Variants in RNU6-8 observed in about 807,000 individuals in gnomAD.
RNU6-8 encodes the protein RNA, U6 small nuclear 8.
At chr14:32,203,229 T>G (rs1365986313) in exon 1 of RNU6-8, 1 of 152,374 alleles carries the variant, frequency 6.6e-6, no homozygotes, top group Non-Finnish European at 1.5e-5. Context: ...ATCTTCTCTG[T>G]ATCGTTCCAA....
At chr14:32,203,212 C>CA (rs1449602465) in exon 1 of RNU6-8, 1 of 152,360 alleles carries the variant, frequency 6.6e-6, no homozygotes, top group Non-Finnish European at 1.5e-5. Flanking sequence ...GCGCAGGGGC[C>CA]ATGCTAATCT....
chr14:32,203,188 T>C (rs962590040), exon 1 of RNU6-8: 4 of 152,430 alleles, frequency 2.6e-5, no homozygotes, highest in Non-Finnish European at 5.9e-5. Context: ...TTCACGAATT[T>C]GCGTGTCATC....
chr14:32,203,189 G>C (rs1366859340), exon 1 of RNU6-8: 1 of 152,396 alleles, frequency 6.6e-6, no homozygotes, highest in Admixed American at 6.5e-5. Context: ...TCACGAATTT[G>C]CGTGTCATCC....
exon 1 of RNU6-8, chr14:32,203,263 C>A (rs770671411): frequency 2.0e-5 from 3 of 152,346 alleles, no homozygotes; most frequent in Non-Finnish European, 4.4e-5. Context: ...GCTGCCGAAG[C>A]GAGCACGTTG....
exon 1 of RNU6-8, chr14:32,203,230 A>G (rs1882870482): frequency 6.6e-6 from 1 of 152,294 alleles, no homozygotes; most frequent in Non-Finnish European, 1.5e-5. Flanking sequence ...TCTTCTCTGT[A>G]TCGTTCCAAT....
exon 1 of RNU6-8, chr14:32,203,224 C>CTCTG (rs1252094329): frequency 3.3e-5 from 5 of 152,390 alleles, no homozygotes; most frequent in Admixed American, 2.0e-4. Flanking sequence ...TGCTAATCTT[C>CTCTG]TCTGTATCGT....
chr14:32,203,227 T>G (rs747746944), exon 1 of RNU6-8: 3 of 152,392 alleles, frequency 2.0e-5, no homozygotes, highest in Admixed American at 2.0e-4. Context: ...TAATCTTCTC[T>G]GTATCGTTCC....
chr14:32,203,180 C>T (rs1882864555), exon 1 of RNU6-8: 1 of 152,420 alleles, frequency 6.6e-6, no homozygotes. Flanking sequence ...TGGAACGCTT[C>T]ACGAATTTGC....
exon 1 of RNU6-8, chr14:32,203,165 A>G (rs1245506753): frequency 2.0e-5 from 3 of 152,390 alleles, no homozygotes; most frequent in East Asian, 1.9e-4. Context: ...AGACTGCGCA[A>G]AATATGGAAC....
At chr14:32,203,214 T>TG (rs1555362079) in exon 1 of RNU6-8, 2 of 152,392 alleles carry the variant, frequency 1.3e-5, no homozygotes, top group African/African-American at 4.8e-5. Flanking sequence ...GCAGGGGCCA[T>TG]GCTAATCTTC....
At chr14:32,203,207 G>C (rs573776253) in exon 1 of RNU6-8, 1 of 152,394 alleles carries the variant, frequency 6.6e-6, no homozygotes, top group Non-Finnish European at 1.5e-5. Flanking sequence ...TCCTTGCGCA[G>C]GGGCCATGCT....
exon 1 of RNU6-8, chr14:32,203,236 C>A (rs1037493518): frequency 6.6e-6 from 1 of 152,314 alleles, no homozygotes; most frequent in Non-Finnish European, 1.5e-5. Context: ...CTGTATCGTT[C>A]CAATTTTAGT....
At chr14:32,203,220 T>TG (rs1425805502) in exon 1 of RNU6-8, 1 of 152,366 alleles carries the variant, frequency 6.6e-6, no homozygotes, top group African/African-American at 2.4e-5. Flanking sequence ...GCCATGCTAA[T>TG]CTTCTCTGTA....
At chr14:32,203,246 T>C (rs143274602) in exon 1 of RNU6-8, 1 of 152,334 alleles carries the variant, frequency 6.6e-6, no homozygotes, top group African/African-American at 2.4e-5. Context: ...CCAATTTTAG[T>C]ATATGTGCTG....
exon 1 of RNU6-8, chr14:32,203,242 T>C (rs867575169): frequency 6.6e-6 from 1 of 152,356 alleles, no homozygotes; most frequent in Non-Finnish European, 1.5e-5. Flanking sequence ...CGTTCCAATT[T>C]TAGTATATGT....
chr14:32,203,173 A>T (rs990734891), exon 1 of RNU6-8: 2 of 152,386 alleles, frequency 1.3e-5, no homozygotes, highest in African/African-American at 4.8e-5. Context: ...CAAAATATGG[A>T]ACGCTTCACG....
chr14:32,203,218 A>G (rs1476472175), exon 1 of RNU6-8: 5 of 152,360 alleles, frequency 3.3e-5, no homozygotes, highest in Non-Finnish European at 7.3e-5. Flanking sequence ...GGGCCATGCT[A>G]ATCTTCTCTG....
At chr14:32,203,192 T>C (rs981821550) in exon 1 of RNU6-8, 2 of 152,414 alleles carry the variant, frequency 1.3e-5, no homozygotes, top group African/African-American at 2.4e-5. Context: ...CGAATTTGCG[T>C]GTCATCCTTG....
At chr14:32,203,269 C>G (rs568630750) in exon 1 of RNU6-8, 3 of 152,428 alleles carry the variant, frequency 2.0e-5, no homozygotes, top group South Asian at 2.1e-4. Context: ...GAAGCGAGCA[C>G]GTTGAGAAGA....
Sources: allele counts gnomAD v4.1 joint callset, GRCh38; gene constraint gnomAD v4.1.1; transcripts MANE v1.5; gene names NCBI Gene and HGNC (gene_info 2026-07-23, HGNC 2026-07-21).